PCDHA10: variants seen among roughly 807,000 people sequenced by gnomAD.
The protein encoded by PCDHA10 is protocadherin alpha-10.
PCDHA10 carries 45 observed loss-of-function variants against 61.2 expected under a neutral mutation model. The observed-to-expected ratio is 0.74, with a 90% CI of 0.58 to 0.94. The LOEUF is 0.94. Among genes scored for constraint, PCDHA10 ranks in the 40% least tolerant of loss-of-function variants. The pLI is 0.00. For missense variants in PCDHA10, 1,278 were observed against 1,236.2 expected, an observed-to-expected ratio of 1.03 and a Z score of -0.51; for synonymous variants, 602 against 548.8, an observed-to-expected ratio of 1.10 and a Z score of -1.35.
intron 1 of PCDHA10, chr5:140,871,485 C>T (rs1554165663): frequency 8.2e-6 from 13 of 1,593,104 alleles, no homozygotes; most frequent in Admixed American, 1.8e-5. Context: ...GGTCAAATCA[C>T]CCCGGACAGG....
Position 141,000,369 on chromosome 5 carries a change from C to CTG in PCDHA10, c.2537-9257_2537-9256insGT, listed in dbSNP as rs1469177188. On this transcript the variant is annotated intron_variant, in intron 3 of 3. Coordinates refer to ENST00000307360, the MANE Select transcript of PCDHA10 (RefSeq NM_018901.4). ...TCTCTCTGTCTCTCTCTGTCTCTCT[C>CTG]TCTCTCTCTCTCTCTCTCTCTCTCT... Among the ~76,000 whole-genome samples, 12 of 35,276 alleles carry CTG rather than the reference C, an allele frequency of 3.4e-4. No individual in the cohort carries two copies. In the East Asian group the frequency reaches 5.7e-3, roughly 17 times the overall value. The allele number at this position is 35,276 out of a possible 152,430, so 23.1% of individuals were successfully genotyped here.
chr5:140,856,705 T>C lies in PCDHA10; in HGVS notation c.657T>C (p.Pro219=), dbSNP rs1180012715. 2.5e-6 allele frequency: 4 copies of C among 1,596,614 alleles called. No homozygotes were observed. The African/African-American group carries it at 5.4e-5, about 22-fold the overall frequency. ...TGACAGCAACTGATGGAGGCAAACC[T>C]GAATTTACCGGATCTGTTTCTCTGC... ...LLLTATDGGK[P]EFTGSVSLLI... is the part of the protein sequence containing the mutation. Residue 219 remains proline (P), a synonymous_variant, in exon 1 of 4, where the codon CCT becomes CCC. Transcript: ENST00000307360.
chr5:140,990,783 G>A (rs932115900), intron 3 of PCDHA10, among the ~76,000 whole-genome samples: 5 of 152,170 alleles, frequency 3.3e-5, no homozygotes, highest in African/African-American at 7.2e-5. Flanking sequence ...TGTGTTGGAC[G>A]ATGAACCATG....
chr5:140,883,137 T>C (rs2153390787), intron 1 of PCDHA10: 1 of 1,614,036 alleles, frequency 6.2e-7, no homozygotes, highest in Admixed American at 1.7e-5. Flanking sequence ...CCTGCAGTGG[T>C]ATATGCATTT....
rs551569829 is a variant in PCDHA10 at position 140,856,434 on chromosome 5, C to G, written c.386C>G (p.Pro129Arg). 1 of 1,598,320 alleles carries G rather than the reference C, an allele frequency of 6.3e-7. No individual in the cohort carries two copies. Among genetic ancestry groups the G allele is most frequent in the South Asian group, 1.1e-5 (1 of 90,522 alleles). The part of the protein sequence containing the change: ...DVEVKDINDN[P>R]PRFSVTEQKL... ...GAAGTGAAGGACATTAACGACAACC[C>G]GCCCAGGTTCTCCGTAACAGAACAA... The change falls in exon 1 of 4, where the codon CCG (proline) becomes CGG (arginine). Residue 129 changes from proline to arginine, a missense_variant. Pro to Arg is a moderately radical substitution (Grantham distance 103). Transcript: ENST00000307360.
In PCDHA10 at chr5:140,863,490, A is replaced by C. The variant is rs149382847; in HGVS notation, c.2388+5054A>C. ...TGGAGAGTCGCCTCCCAAGGTCAAC[A>C]TTACGGCTTTTAGTCCTAGTGTTCT... is the stretch of plus-strand genomic sequence containing the variant. On this transcript the variant is annotated intron_variant, in intron 1 of 3. Coordinates refer to ENST00000307360, the MANE Select transcript of PCDHA10 (RefSeq NM_018901.4). 1.5e-4 allele frequency: 69 copies of C among 449,374 alleles called. No homozygotes were observed. In the East Asian group the frequency reaches 3.4e-3, roughly 22 times the overall value. 27.8% of individuals were successfully genotyped at this position (449,374 alleles called of 1,614,324 possible). A position where few individuals can be genotyped will look rare whatever the true frequency, so the allele number is the denominator to read the frequency against.
At chr5:140,899,336 A>G (rs2067275819) in intron 1 of PCDHA10, among the ~76,000 whole-genome samples, 1 of 152,130 alleles carries the variant, frequency 6.6e-6, no homozygotes, top group Non-Finnish European at 1.5e-5. Context: ...TTTGTCATAG[A>G]TAGCTCTTAT....
chr5:140,882,852 T>C, intron 1 of PCDHA10: 2 of 1,614,216 alleles, frequency 1.2e-6, no homozygotes, highest in Non-Finnish European at 1.7e-6. Flanking sequence ...TTATCACTTG[T>C]ACTGAGGAAA....
chr5:140,869,724 A>G (rs1554163381), intron 1 of PCDHA10: 1 of 1,613,416 alleles, frequency 6.2e-7, no homozygotes. Flanking sequence ...AAACTCCGGA[A>G]CTTAATTTGC....
At chr5:140,920,505 T>C (rs545028033) in intron 1 of PCDHA10, among the ~76,000 whole-genome samples, 1 of 152,344 alleles carries the variant, frequency 6.6e-6, no homozygotes, top group South Asian at 2.1e-4. Flanking sequence ...TTCTACATAC[T>C]GTTTTATGCA....
At chr5:140,863,623 T>C (rs782448471) in intron 1 of PCDHA10, 49 of 322,260 alleles carry the variant, frequency 1.5e-4, no homozygotes, top group Non-Finnish European at 1.9e-4. Context: ...CATAGTGACA[T>C]TGATAATGTT....
At chr5:140,871,122 G>A (rs782184692) in intron 1 of PCDHA10, 2 of 1,613,344 alleles carry the variant, frequency 1.2e-6, no homozygotes, top group South Asian at 2.2e-5. Flanking sequence ...AGAGCGGACA[G>A]GCGCCAAAGG....
chr5:140,936,077 G>A (rs2090754379), intron 1 of PCDHA10, among the ~76,000 whole-genome samples: 1 of 151,980 alleles, frequency 6.6e-6, no homozygotes, highest in South Asian at 2.1e-4. Flanking sequence ...ACTTTTAGTA[G>A]AGACAGGGTT....
chr5:140,876,726 G>T, intron 1 of PCDHA10: 1 of 1,614,264 alleles, frequency 6.2e-7, no homozygotes, highest in African/African-American at 1.3e-5. Context: ...GCGAGAGCGT[G>T]TCGGCCTATG....
intron 1 of PCDHA10, among the ~76,000 whole-genome samples, chr5:140,977,165 T>C (rs921089293): frequency 1.3e-5 from 2 of 152,156 alleles, no homozygotes; most frequent in Non-Finnish European, 2.9e-5. Context: ...TTCAGCAAAA[T>C]GAGTTTGATG....
At chr5:140,863,771 G>A (rs557463364) in intron 1 of PCDHA10, 111 of 240,518 alleles carry the variant, frequency 4.6e-4, no homozygotes, top group Non-Finnish European at 7.8e-4. Context: ...AGCCGAGGCG[G>A]GCGGATCACT....
intron 3 of PCDHA10, among the ~76,000 whole-genome samples, chr5:140,993,075 G>A (rs531612224): frequency 1.3e-3 from 191 of 152,324 alleles, no homozygotes; most frequent in African/African-American, 4.5e-3. Flanking sequence ...CCTGCAGTCT[G>A]CAATCAGCAG....
chr5:140,952,948 A>AG (rs1177459807), intron 1 of PCDHA10, among the ~76,000 whole-genome samples: 39 of 152,028 alleles, frequency 2.6e-4, no homozygotes, highest in African/African-American at 8.5e-4. Context: ...GAGAGAGAGA[A>AG]GGGGGAAGTG....
chr5:140,881,625 A>G (rs2058773266), intron 1 of PCDHA10, among the ~76,000 whole-genome samples: 1 of 152,210 alleles, frequency 6.6e-6, no homozygotes, highest in African/African-American at 2.4e-5. Context: ...AAAATCTGAT[A>G]TATCAGTTAC....
Sources: gnomAD v4.1 joint callset for allele counts (sites outside exome capture counted in the v4.1 genomes callset) on GRCh38, gnomAD v4.1.1 for gene constraint, MANE v1.5 for transcripts, NCBI Gene and HGNC (gene_info 2026-07-23, HGNC 2026-07-21) for gene names.